The following ERBB4 variants were observed in gnomAD, a reference collection of about 807,000 sequenced individuals.
The protein encoded by ERBB4 is erb-b2 receptor tyrosine kinase 4.
ERBB4 carries 42 observed loss-of-function variants against 158.0 expected under a neutral mutation model. The ratio of observed to expected loss-of-function variants is 0.27; its 90% CI spans 0.21 to 0.34. The LOEUF is 0.34. Among genes scored for constraint, ERBB4 ranks in the 10% least tolerant of loss-of-function variants. The pLI, the probability that ERBB4 is intolerant of heterozygous loss-of-function variation, is 1.00. For synonymous variants in ERBB4, 583 were observed against 558.7 expected (o/e 1.04, Z -0.61); for missense variants, 1,333 against 1,624.1 (o/e 0.82, Z 3.08).
chr2:211,721,980 A>G (rs2074112132), intron 7 of ERBB4, among the ~76,000 whole-genome samples: 1 of 152,108 alleles, frequency 6.6e-6, no homozygotes, highest in South Asian at 2.1e-4. Context: ...CTCCTGTCTC[A>G]GCCTCCAGAA....
chr2:211,525,992 G>A (rs889431038), intron 20 of ERBB4, among the ~76,000 whole-genome samples: 1 of 152,130 alleles, frequency 6.6e-6, no homozygotes, highest in Non-Finnish European at 1.5e-5. Flanking sequence ...TGGGGGAACT[G>A]GATGCCTACT....
Position 212,250,743 on chromosome 2 carries a change from CTGT to C in ERBB4, c.83-125843_83-125841del, listed in dbSNP as rs529075506. On this transcript the variant is annotated intron_variant, in intron 1 of 27. Coordinates refer to ENST00000342788, the MANE Select transcript of ERBB4 (RefSeq NM_005235.3). The stretch of plus-strand genomic sequence containing the variant: ...CGTTCTAGGCAGACCACACAGAGCC[CTGT>C]TGTTTTCTGTTTTTAGTCAAAAATA... Among the ~76,000 whole-genome samples, 900 of 151,692 alleles carry C rather than the reference CTGT, an allele frequency of 5.9e-3. 10 individuals carry two copies. Among genetic ancestry groups the C allele is most frequent in the African/African-American group, 0.021 (862 of 41,416 alleles).
chr2:212,306,203 T>C (rs891164646), intron 1 of ERBB4, among the ~76,000 whole-genome samples: 1 of 151,520 alleles, frequency 6.6e-6, no homozygotes, highest in Non-Finnish European at 1.5e-5. Context: ...GTAAAAACTC[T>C]ATGTCTGACC....
intron 4 of ERBB4, among the ~76,000 whole-genome samples, chr2:211,771,378 G>A (rs1479585382): frequency 6.6e-6 from 1 of 152,204 alleles, no homozygotes; most frequent in Non-Finnish European, 1.5e-5. Context: ...TCTAAACATA[G>A]TTGAAGGTGG....
intron 1 of ERBB4, among the ~76,000 whole-genome samples, chr2:212,370,145 G>T (rs2090036446): frequency 6.6e-6 from 1 of 151,982 alleles, no homozygotes; most frequent in Non-Finnish European, 1.5e-5. Flanking sequence ...CATGGGGGTG[G>T]TTTCCTCCAT....
chr2:211,420,367 G>A (rs1418259181), intron 25 of ERBB4, 74 bp downstream of exon 25: 3 of 1,043,594 alleles, frequency 2.9e-6, no homozygotes, highest in Non-Finnish European at 4.4e-6. Context: ...ATTTTGAAAT[G>A]TTAGTGCTTA....
At chr2:212,290,746 TA>T (rs1218059557) in intron 1 of ERBB4, among the ~76,000 whole-genome samples, 1 of 151,628 alleles carries the variant, frequency 6.6e-6, no homozygotes, top group African/African-American at 2.4e-5. Flanking sequence ...TTACTTAAGT[TA>T]AAAAAGAAAA....
intron 20 of ERBB4, among the ~76,000 whole-genome samples, chr2:211,546,209 C>G (rs988785464): frequency 6.6e-6 from 1 of 152,002 alleles, no homozygotes; most frequent in Non-Finnish European, 1.5e-5. Flanking sequence ...ACATATTTCA[C>G]TGGGTATTGT....
intron 4 of ERBB4, among the ~76,000 whole-genome samples, chr2:211,766,189 G>C (rs745844769): frequency 1.1e-4 from 16 of 152,140 alleles, no homozygotes; most frequent in Non-Finnish European, 1.9e-4. Context: ...CCTCTAAATT[G>C]AACATAATGT....
chr2:212,175,507 T>C lies in ERBB4; in HGVS notation c.83-50604A>G, dbSNP rs929013669. 2.0e-5 allele frequency among the ~76,000 whole-genome samples: 3 copies of C among 152,066 alleles called. No homozygotes were observed. The East Asian group carries it at 5.8e-4, about 29-fold the overall frequency. ...TCATTAAGAAGGCAAGAACAGAGAA[T>C]TTAAATAACTTTCAAAATATTTGGG... On this transcript the variant is annotated intron_variant, in intron 1 of 27. Coordinates refer to ENST00000342788, the MANE Select transcript of ERBB4 (RefSeq NM_005235.3).
At chr2:211,845,389 G>T (rs767070779) in intron 3 of ERBB4, among the ~76,000 whole-genome samples, 1 of 152,164 alleles carries the variant, frequency 6.6e-6, no homozygotes, top group Admixed American at 6.6e-5. Flanking sequence ...CTCATGAGAC[G>T]ATATTAACAC....
intron 1 of ERBB4, among the ~76,000 whole-genome samples, chr2:212,280,771 T>G (rs1329822063): frequency 6.6e-6 from 1 of 151,612 alleles, no homozygotes; most frequent in Non-Finnish European, 1.5e-5. Context: ...AAAAGCATCA[T>G]GAATTGAATG....
At chr2:212,479,557 CTT>C (rs928520075) in intron 1 of ERBB4, among the ~76,000 whole-genome samples, 5 of 152,144 alleles carry the variant, frequency 3.3e-5, no homozygotes, top group African/African-American at 1.2e-4. Context: ...CTCTCTCTCT[CTT>C]AGTATGAAGG....
rs761544601 is a variant in ERBB4, at chr2:211,772,808, GATATATATAT to G, written c.556+15207_556+15216del. 6.6e-4 allele frequency among the ~76,000 whole-genome samples: 25 copies of G among 37,746 alleles called. 2 individuals are homozygous for G. The highest frequency in any genetic ancestry group is 7.7e-4 in the African/African-American group (6 of 7,744). The allele number at this position is 37,746 out of a possible 152,430, so 24.8% of individuals were successfully genotyped here. On this transcript the variant is annotated intron_variant, in intron 4 of 27. Transcript: ENST00000342788. ...CTACAGGTATACTTCACCATACTGG[GATATATATAT>G]ATATATATATATATATACACATATA... is the stretch of plus-strand genomic sequence containing the variant.
At chr2:211,391,485 T>C (rs577498998) in intron 25 of ERBB4, among the ~76,000 whole-genome samples, 3 of 152,166 alleles carry the variant, frequency 2.0e-5, no homozygotes, top group Non-Finnish European at 4.4e-5. Flanking sequence ...AGGGCAGAGA[T>C]AGAAAGAGGC....
intron 3 of ERBB4, among the ~76,000 whole-genome samples, chr2:211,825,747 T>C (rs1170836442): frequency 2.0e-5 from 3 of 147,982 alleles, no homozygotes; most frequent in East Asian, 3.9e-4. Context: ...AGAAATGTAA[T>C]ATATTTGTCA....
chr2:212,015,039 AAAATATATATATATATATATATATAT>A (rs2076480172), intron 2 of ERBB4, among the ~76,000 whole-genome samples: 1 of 14,422 alleles, frequency 6.9e-5, no homozygotes, highest in African/African-American at 1.4e-4. Flanking sequence ...AAAAAAAAAA[AAAATATATATATATATATATATATAT>A]ATATATATAT....
intron 1 of ERBB4, among the ~76,000 whole-genome samples, chr2:212,186,872 A>G (rs1559687233): frequency 6.6e-6 from 1 of 152,208 alleles, no homozygotes. Flanking sequence ...ATTTCTAAAA[A>G]TAAGAATTTC....
chr2:212,230,977 CT>C lies in ERBB4; in HGVS notation c.83-106075del, dbSNP rs1271990160. 3.3e-5 allele frequency among the ~76,000 whole-genome samples: 5 copies of C among 152,242 alleles called. No homozygotes were observed. In the East Asian group the frequency reaches 9.7e-4, roughly 29 times the overall value. On this transcript the variant is annotated intron_variant, in intron 1 of 27. Coordinates refer to ENST00000342788, the MANE Select transcript of ERBB4 (RefSeq NM_005235.3). ...GATACCTAAAAAACTTTGCAAAATA[CT>C]GTCATATTTACCCAAATTTAAGAAA...
Sources: gnomAD v4.1 joint callset for allele counts (sites outside exome capture counted in the v4.1 genomes callset) on GRCh38, gnomAD v4.1.1 for gene constraint, MANE v1.5 for transcripts, NCBI Gene and HGNC (gene_info 2026-07-23, HGNC 2026-07-21) for gene names.